KCTD14: variants seen among roughly 807,000 people sequenced by gnomAD.
The protein encoded by KCTD14 is BTB/POZ domain-containing protein KCTD14.
Under a neutral mutation model 5.9 loss-of-function variants are expected in KCTD14, and 7 were observed. That is an observed-to-expected ratio of 1.19 (90% CI 0.68 to 2.23). KCTD14 has a LOEUF of 2.23. Ranked by LOEUF, KCTD14 falls within the 30% of genes most tolerant of loss-of-function variation. KCTD14 has a pLI of 0.00. For missense variants in KCTD14, 342 were observed against 332.2 expected, an observed-to-expected ratio of 1.03 and a Z score of -0.23; for synonymous variants, 140 against 133.1, an observed-to-expected ratio of 1.05 and a Z score of -0.36.
At chr11:78,029,040 C>T (rs1206056170) in intron 2 of KCTD14, among the ~76,000 whole-genome samples, 1 of 151,962 alleles carries the variant, frequency 6.6e-6, no homozygotes, top group African/African-American at 2.4e-5. Context: ...CAAAAATTAG[C>T]TGGGCATGGT....
intron 1 of KCTD14, among the ~76,000 whole-genome samples, chr11:78,040,811 A>G (rs1329451485): frequency 2.0e-5 from 3 of 152,064 alleles, no homozygotes; most frequent in African/African-American, 7.2e-5. Context: ...CTAGGACTAC[A>G]GGTACGCATC....
At chr11:78,029,842 C>T (rs892813640) in intron 2 of KCTD14, among the ~76,000 whole-genome samples, 7 of 150,598 alleles carry the variant, frequency 4.6e-5, no homozygotes, top group South Asian at 4.2e-4. Context: ...AGTGCAGTAG[C>T]GCAATCTCGG....
At chr11:78,039,575 TG>T in intron 1 of KCTD14, among the ~76,000 whole-genome samples, 1 of 151,518 alleles carries the variant, frequency 6.6e-6, no homozygotes, top group South Asian at 2.1e-4. Flanking sequence ...TGTATGAGCC[TG>T]GGGCAACATG....
upstream of KCTD14, among the ~76,000 whole-genome samples, chr11:78,025,118 G>GTGTGTGTATA (rs1230114793): frequency 1.2e-3 from 52 of 44,464 alleles, no homozygotes; most frequent in East Asian, 4.5e-3. Context: ...GTGTGTGTGT[G>GTGTGTGTATA]TATATATATA....
chr11:78,028,572 C>A lies in KCTD14; in HGVS notation c.-1+10092G>T, dbSNP rs148477291. On this transcript the variant is annotated intron_variant, in intron 2 of 2. Transcript: ENST00000533144. ...GAGCCCAGATCACACCACTGCATTCCAGCTTTGGCAATAGAGCAAGTGTCC... is the reference window on the plus strand; with the variant it reads ...GAGCCCAGATCACACCACTGCATTCAAGCTTTGGCAATAGAGCAAGTGTCC... Among the ~76,000 whole-genome samples, 37 of 147,462 alleles carry A rather than the reference C, an allele frequency of 2.5e-4. No individual in the cohort carries two copies. The East Asian group carries it at 6.1e-3, about 24-fold the overall frequency.
At chr11:78,025,112 GTGTGTGTATA>G (rs1445695001), upstream of KCTD14, among the ~76,000 whole-genome samples, 24 of 68,642 alleles carry the variant, frequency 3.5e-4, no homozygotes, top group African/African-American at 9.2e-4. Context: ...GTGTGTGTGT[GTGTGTGTATA>G]TATATATATA....
At chr11:78,021,394 G>C (rs1857302810) in intron 1 of KCTD14, among the ~76,000 whole-genome samples, 1 of 150,900 alleles carries the variant, frequency 6.6e-6, no homozygotes, top group Admixed American at 6.6e-5. Context: ...GTGTTCCTAA[G>C]CTTCTTTTTG....
At chr11:78,043,510 G>A (rs1858049678) in intron 1 of KCTD14, among the ~76,000 whole-genome samples, 1 of 152,188 alleles carries the variant, frequency 6.6e-6, no homozygotes. Flanking sequence ...TGCTTGCAAA[G>A]AGCTCAGAAT....
intron 1 of KCTD14, among the ~76,000 whole-genome samples, chr11:78,039,969 T>C (rs1289603276): frequency 6.6e-6 from 1 of 152,204 alleles, no homozygotes; most frequent in Non-Finnish European, 1.5e-5. Flanking sequence ...GCATCCTTGA[T>C]AGCTAAGGCA....
upstream of KCTD14, among the ~76,000 whole-genome samples, chr11:78,027,487 C>T (rs113229761): frequency 3.7e-3 from 569 of 152,004 alleles, 5 homozygotes; most frequent in Non-Finnish European, 6.0e-3. Context: ...CTCAGCCTCC[C>T]GAGTAGCTGG....
intron 1 of KCTD14, among the ~76,000 whole-genome samples, chr11:78,041,898 C>A (rs577555316): frequency 1.3e-5 from 2 of 152,208 alleles, no homozygotes; most frequent in Non-Finnish European, 2.9e-5. Context: ...GGTTCTCTTC[C>A]GTGACCCACG....
At chr11:78,018,980 C>T (rs916031353) in intron 1 of KCTD14, among the ~76,000 whole-genome samples, 1 of 151,734 alleles carries the variant, frequency 6.6e-6, no homozygotes, top group African/African-American at 2.4e-5. Context: ...TTCTGGTTAA[C>T]AGTTCACATG....
At chr11:78,043,964 G>A (rs573230223) in intron 1 of KCTD14, among the ~76,000 whole-genome samples, 127 of 152,312 alleles carry the variant, frequency 8.3e-4, no homozygotes, top group African/African-American at 3.0e-3. Flanking sequence ...CAAGGCCAGA[G>A]TTGCTGATCC....
Position 78,016,536 on chromosome 11 carries a change from G to GC in KCTD14, c.*56dup. On this transcript the variant is annotated 3_prime_UTR_variant, in exon 2 of 2. Coordinates refer to ENST00000353172, the MANE Select transcript of KCTD14 (RefSeq NM_023930.4). ...AAATTAAAAGAAAATGGCTTTGATG[G>GC]CAACTTTTAATTTCATAAGCCACGC... 1 of 1,465,302 alleles carries GC rather than the reference G, an allele frequency of 6.8e-7. No homozygotes were observed. Among genetic ancestry groups the GC allele is most frequent in the Non-Finnish European group, 9.3e-7 (1 of 1,073,560 alleles). The allele number at this position is 1,465,302 out of a possible 1,614,324, so 90.8% of individuals were successfully genotyped here.
At chr11:78,026,163 A>G (rs1039451485), upstream of KCTD14, among the ~76,000 whole-genome samples, 1 of 152,182 alleles carries the variant, frequency 6.6e-6, no homozygotes, top group Non-Finnish European at 1.5e-5. Context: ...AGGGCCACGC[A>G]TGGTGACTCA....
chr11:78,020,818 A>C (rs900647105), intron 1 of KCTD14, among the ~76,000 whole-genome samples: 1 of 152,056 alleles, frequency 6.6e-6, no homozygotes, highest in Non-Finnish European at 1.5e-5. Context: ...CCTTCCCAAC[A>C]TCCTGCCCCC....
At chr11:78,032,560 C>T (rs543877164) in intron 2 of KCTD14, among the ~76,000 whole-genome samples, 2 of 152,202 alleles carry the variant, frequency 1.3e-5, no homozygotes, top group Non-Finnish European at 2.9e-5. Context: ...TGCTAAACCA[C>T]GATTCAAATC....
chr11:78,038,681 C>G, exon 2 of KCTD14: 1 of 1,535,752 alleles, frequency 6.5e-7, no homozygotes, highest in Non-Finnish European at 8.7e-7. Context: ...GTGGTGGCAG[C>G]AGAACTCCCC....
At chr11:78,043,732 A>G (rs1858055331) in intron 1 of KCTD14, among the ~76,000 whole-genome samples, 1 of 152,130 alleles carries the variant, frequency 6.6e-6, no homozygotes, top group Admixed American at 6.6e-5. Context: ...GTGGAAGGTG[A>G]GGCAAAGTGG....
Sources: gnomAD v4.1 joint callset for allele counts (sites outside exome capture counted in the v4.1 genomes callset) on GRCh38, gnomAD v4.1.1 for gene constraint, MANE v1.5 for transcripts, NCBI Gene and HGNC (gene_info 2026-07-23, HGNC 2026-07-21) for gene names.